The following FSHR variants were observed in gnomAD, a reference collection of about 807,000 sequenced individuals.
FSHR encodes the protein follicle-stimulating hormone receptor.
A neutral mutation model predicts 52.1 loss-of-function variants in FSHR; 46 were observed. The ratio of observed to expected loss-of-function variants is 0.88; its 90% CI spans 0.70 to 1.13. FSHR has a LOEUF of 1.13. FSHR is among the 50% of genes most tolerant of loss of function. The probability of loss-of-function intolerance (pLI) is 0.00; values close to 1 mark genes in which losing one functional copy is unlikely to be tolerated. For synonymous variants in FSHR, 399 were observed against 309.6 expected, an observed-to-expected ratio of 1.29 and a Z score of -3.03; for missense variants, 964 against 834.6, an observed-to-expected ratio of 1.16 and a Z score of -1.91.
chr2:48,988,701 T>A (rs554563259), intron 6 of FSHR, among the ~76,000 whole-genome samples: 2 of 152,336 alleles, frequency 1.3e-5, no homozygotes, highest in South Asian at 4.1e-4. Context: ...GCATGAGTTA[T>A]TCTTTCCTTT....
In FSHR at chr2:49,004,818, A is replaced by G. The variant is rs951089811; in HGVS notation, c.374+12671T>C. Reference sequence around the variant, plus strand: ...CTTATATCTGATTTCTGGTGATGAAAGACAGACAGGTCTTATTTCAAAATT... The same window carrying G: ...CTTATATCTGATTTCTGGTGATGAAGGACAGACAGGTCTTATTTCAAAATT... On this transcript the variant is annotated intron_variant, in intron 4 of 9. Transcript: ENST00000406846. Among the ~76,000 whole-genome samples, 57 of 152,276 alleles carry G rather than the reference A, an allele frequency of 3.7e-4. 1 individual carries two copies. Among genetic ancestry groups the G allele is most frequent in the African/African-American group, 1.3e-3 (54 of 41,560 alleles).
intron 8 of FSHR, among the ~76,000 whole-genome samples, chr2:48,971,011 A>T (rs1421193773): frequency 6.6e-6 from 1 of 152,178 alleles, no homozygotes; most frequent in Non-Finnish European, 1.5e-5. Flanking sequence ...TGCCCTCATG[A>T]CCATCTATTG....
intron 2 of FSHR, among the ~76,000 whole-genome samples, chr2:49,036,128 A>T (rs1410325093): frequency 6.6e-6 from 1 of 152,220 alleles, no homozygotes; most frequent in Non-Finnish European, 1.5e-5. Flanking sequence ...ATTCTCTATT[A>T]TGATGGACAT....
chr2:49,017,678 C>G (rs1667537763), intron 3 of FSHR, 115 bp from the exon 4 acceptor site: 1 of 770,946 alleles, frequency 1.3e-6, no homozygotes, highest in African/African-American at 1.7e-5. Context: ...ATCCACCCAT[C>G]TATTCATCCA....
chr2:49,026,999 G>T (rs781545454), intron 2 of FSHR, among the ~76,000 whole-genome samples: 1 of 152,140 alleles, frequency 6.6e-6, no homozygotes, highest in East Asian at 1.9e-4. Flanking sequence ...CAGACAATCA[G>T]TCTAGAGCAG....
At chr2:49,010,838 C>G (rs1326340832) in intron 4 of FSHR, among the ~76,000 whole-genome samples, 28 of 152,128 alleles carry the variant, frequency 1.8e-4, no homozygotes, top group East Asian at 9.7e-4. Flanking sequence ...AGTATTCTCT[C>G]ATGGTAGTTT....
chr2:49,122,975 T>C (rs1186519182), intron 1 of FSHR, among the ~76,000 whole-genome samples: 1 of 152,306 alleles, frequency 6.6e-6, no homozygotes, highest in Non-Finnish European at 1.5e-5. Flanking sequence ...CCAAGAACTG[T>C]AGTGTTCCTC....
intron 1 of FSHR, among the ~76,000 whole-genome samples, chr2:49,122,748 A>G (rs1413081156): frequency 6.6e-6 from 1 of 152,164 alleles, no homozygotes; most frequent in African/African-American, 2.4e-5. Flanking sequence ...CCTCACTTTT[A>G]AAGTCCCTCC....
At chr2:48,977,881 G>A (rs1015338469) in intron 8 of FSHR, among the ~76,000 whole-genome samples, 1 of 152,156 alleles carries the variant, frequency 6.6e-6, no homozygotes, top group Non-Finnish European at 1.5e-5. Context: ...GCGGGGAGGG[G>A]TAGTTGTGGA....
intron 2 of FSHR, among the ~76,000 whole-genome samples, chr2:49,062,664 CA>C (rs1422675446): frequency 6.6e-6 from 1 of 151,976 alleles, no homozygotes; most frequent in African/African-American, 2.4e-5. Context: ...AACTACTCAT[CA>C]AAGGATTAGT....
chr2:49,147,024 A>G (rs910347226), intron 1 of FSHR, among the ~76,000 whole-genome samples: 5 of 152,072 alleles, frequency 3.3e-5, no homozygotes, highest in African/African-American at 7.2e-5. Flanking sequence ...TAAAAGTATA[A>G]TTGAATTCAA....
chr2:48,998,800 C>T (rs1179986657), intron 4 of FSHR, among the ~76,000 whole-genome samples: 1 of 151,862 alleles, frequency 6.6e-6, no homozygotes, highest in Non-Finnish European at 1.5e-5. Context: ...AAAATGCTTT[C>T]TCAAAATATT....
At position 48,989,028 on chromosome 2, in the gene FSHR, T is replaced by C; in HGVS notation, c.473A>G (p.His158Arg). Residue 158 changes from histidine (H) to arginine (R), a missense_variant, in exon 6 of 10, where the codon CAC becomes CGC. By Grantham distance (29) the His-to-Arg change is conservative (BLOSUM62 0). Transcript: ENST00000406846. ...CACGAAAGAATTTCTTTCAATTGTG[T>C]GGATGTTTATGTTATCTTGAATGTC... ...LLDIQDNINI[H>R]TIERNSFVGL... 1 of 1,613,860 alleles carries C rather than the reference T, an allele frequency of 6.2e-7. No individual in the cohort carries two copies. Among genetic ancestry groups the C allele is most frequent in the Non-Finnish European group, 8.5e-7 (1 of 1,179,818 alleles).
In FSHR at chr2:49,022,823, G is replaced by A. The variant is rs375829239; in HGVS notation, c.225-2663C>T. ...CATCCTCAAGCACAGAAGCTCTGCAGAAGACAATTTTCAGAGATGAGTCTC... is the reference window on the plus strand; with the variant it reads ...CATCCTCAAGCACAGAAGCTCTGCAAAAGACAATTTTCAGAGATGAGTCTC... On this transcript the variant is annotated intron_variant, in intron 2 of 9. Coordinates refer to ENST00000406846, the MANE Select transcript of FSHR (RefSeq NM_000145.4). Among the ~76,000 whole-genome samples, 4 of 152,286 alleles carry A rather than the reference G, an allele frequency of 2.6e-5. No individual in the cohort carries two copies. The South Asian group carries it at 8.3e-4, about 32-fold the overall frequency.
chr2:48,984,386 G>A (rs930681113), intron 6 of FSHR, among the ~76,000 whole-genome samples: 1 of 152,172 alleles, frequency 6.6e-6, no homozygotes, highest in Non-Finnish European at 1.5e-5. Context: ...AGTTGCTGAG[G>A]TAGCTGTGGC....
intron 4 of FSHR, among the ~76,000 whole-genome samples, chr2:49,008,870 G>A (rs1667165805): frequency 6.6e-6 from 1 of 150,434 alleles, no homozygotes. Flanking sequence ...TTTTTGATGG[G>A]GTTGTTTGTT....
chr2:49,094,177 C>A (rs1670729966), intron 1 of FSHR, among the ~76,000 whole-genome samples: 1 of 152,080 alleles, frequency 6.6e-6, no homozygotes, highest in Admixed American at 6.6e-5. Flanking sequence ...AGGGATTAAA[C>A]TTTTAGAATC....
chr2:49,066,827 A>G (rs1352802086), intron 2 of FSHR, among the ~76,000 whole-genome samples: 4 of 152,094 alleles, frequency 2.6e-5, no homozygotes, highest in African/African-American at 7.2e-5. Flanking sequence ...TTAGAATTCT[A>G]TGTAATTATA....
At position 48,962,813 on chromosome 2, in the gene FSHR, C is replaced by T. The variant is rs1401268533; in HGVS notation, c.2008G>A (p.Gly670Ser). Residue 670 changes from glycine to serine, a missense_variant, in exon 10 of 10, where the codon GGC (glycine) becomes AGC (serine). Transcript: ENST00000406846. ...ACTCTGGGAGCTGAAGAGCAGTGGC[C>T]ATTCCTTGGATGGGTGTTGTGGACA... ...STVHNTHPRN[G>S]HCSSAPRVTS... The T allele has an allele frequency of 1.8e-5, 29 of 1,614,128 alleles. No homozygotes were observed. Among genetic ancestry groups the T allele is most frequent in the Non-Finnish European group, 2.1e-5 (25 of 1,179,996 alleles).
Sources: gnomAD v4.1 joint callset for allele counts (sites outside exome capture counted in the v4.1 genomes callset) on GRCh38, gnomAD v4.1.1 for gene constraint, MANE v1.5 for transcripts, NCBI Gene and HGNC (gene_info 2026-07-23, HGNC 2026-07-21) for gene names.